The following SRP19 variants were observed in gnomAD, a reference collection of about 807,000 sequenced individuals.
SRP19 encodes the protein signal recognition particle 19 kDa protein.
SRP19 carries 11 observed loss-of-function variants against 22.4 expected under a neutral mutation model. The observed-to-expected ratio is 0.49, with a 90% CI of 0.31 to 0.81. The LOEUF (loss-of-function observed/expected upper bound fraction) is 0.81. SRP19 is among the 40% of genes least tolerant of loss of function. SRP19 has a pLI of 0.05. For synonymous variants in SRP19, 61 were observed against 57.6 expected (o/e 1.06, Z -0.27); for missense variants, 168 against 175.9 (o/e 0.96, Z 0.25).
chr5:112,894,823 A>G (rs1768628712), downstream of SRP19: 1 of 152,248 alleles, frequency 6.6e-6, no homozygotes, highest in African/African-American at 2.4e-5. Flanking sequence ...AAGCTTCTGC[A>G]TAGAATGTAT....
exon 5 of SRP19, chr5:112,892,710 G>C: frequency 1.2e-6 from 2 of 1,614,072 alleles, no homozygotes; most frequent in Non-Finnish European, 1.7e-6. Context: ...CTTCAGATCA[G>C]ACTGGCTCCT....
chr5:112,861,371 G>A lies in SRP19; in HGVS notation c.-6G>A, dbSNP rs774717361. 3 of 1,614,094 alleles carry A rather than the reference G, an allele frequency of 1.9e-6. No individual in the cohort carries two copies. Among genetic ancestry groups the A allele is most frequent in the South Asian group, 1.1e-5 (1 of 91,088 alleles). ...CGGCTCCTGGGTTGTTGAGACTCTT[G>A]TGAAGATGGCTTGCGCTGCCGCGCG... is the stretch of plus-strand genomic sequence containing the variant. On this transcript the variant is annotated 5_prime_UTR_variant, in exon 1 of 5. It adds an upstream start codon to the 5' untranslated region. Transcript: ENST00000505459.
downstream of SRP19, among the ~76,000 whole-genome samples, chr5:112,873,767 A>G (rs1337885089): frequency 1.4e-5 from 1 of 71,410 alleles, no homozygotes; most frequent in Non-Finnish European, 2.7e-5. Context: ...ATTGTTTCCA[A>G]GTTCCTTTTT....
intron 4 of SRP19, chr5:112,877,981 CTGTGTGTGTGTGTGTGTGTGTGTGTGTG>C (rs60109818): frequency 1.4e-5 from 2 of 147,528 alleles, no homozygotes; most frequent in African/African-American, 5.1e-5. Context: ...ACAGGTTACT[CTGTGTGTGTGTGTGTGTGTGTGTGTGTG>C]TGTGTGTGTG....
At position 112,862,477 on chromosome 5, in the gene SRP19, G is replaced by A. The variant is rs368648697; in HGVS notation, c.42-31G>A. 2.5e-6 allele frequency: 4 copies of A among 1,601,544 alleles called. No individual in the cohort carries two copies. The African/African-American group carries it at 5.4e-5, about 21-fold the overall frequency. On this transcript the variant is annotated intron_variant, in intron 1 of 4. Coordinates refer to ENST00000505459, the MANE Select transcript of SRP19 (RefSeq NM_003135.3). Reference sequence around the variant, plus strand: ...TTTTCTCCTGCCTCTTACTGCTCTAGTGATACCACTTATGCTATTGTCTAT... The same window carrying A: ...TTTTCTCCTGCCTCTTACTGCTCTAATGATACCACTTATGCTATTGTCTAT...
At chr5:112,893,106 A>T (rs761785097), downstream of SRP19, 1 of 1,068,800 alleles carries the variant, frequency 9.4e-7, no homozygotes, top group Non-Finnish European at 1.3e-6. Flanking sequence ...AAAAAAAAAA[A>T]AAAAAAAAAA....
intron 4 of SRP19, chr5:112,887,019 T>C (rs1768271492): frequency 3.7e-6 from 6 of 1,601,056 alleles, no homozygotes; most frequent in Non-Finnish European, 5.1e-6. Context: ...TCTTACCTTC[T>C]TTAGTGATGG....
At chr5:112,892,636 T>C in exon 5 of SRP19, 8 of 1,614,130 alleles carry the variant, frequency 5.0e-6, no homozygotes, top group Non-Finnish European at 6.8e-6. Flanking sequence ...ACACTGCAAC[T>C]TTCTTCATGT....
In SRP19 at chr5:112,887,205, A is replaced by G. The variant is rs759666937; in HGVS notation, c.302-4398A>G. 1.4e-5 allele frequency: 22 copies of G among 1,554,112 alleles called. No homozygotes were observed. The East Asian group carries it at 4.3e-4, about 30-fold the overall frequency. On this transcript the variant is annotated intron_variant, in intron 4 of 4. Coordinates refer to the SRP19 transcript ENST00000391338. ...CACACTGCACAGAAAAAGAGCCAGC[A>G]TGGGTAACAGGAGGGTGGAGGGGGC...
intron 4 of SRP19, chr5:112,881,943 T>TGG (rs1768089428): frequency 6.6e-6 from 1 of 151,620 alleles, no homozygotes. Context: ...TTTTGTGTTT[T>TGG]TTTTTTTTTG....
At chr5:112,884,211 A>G (rs368884927) in intron 4 of SRP19, among the ~76,000 whole-genome samples, 1 of 152,082 alleles carries the variant, frequency 6.6e-6, no homozygotes, top group East Asian at 1.9e-4. Context: ...AACCTTTACA[A>G]TGGCCTATAA....
At chr5:112,870,552 C>T (rs1767734001), downstream of SRP19, among the ~76,000 whole-genome samples, 1 of 151,938 alleles carries the variant, frequency 6.6e-6, no homozygotes, top group Non-Finnish European at 1.5e-5. Context: ...AAATGGTTTA[C>T]TTTTGGGGCA....
chr5:112,893,014 C>A, exon 5 of SRP19: 1 of 1,554,288 alleles, frequency 6.4e-7, no homozygotes, highest in South Asian at 1.1e-5. Flanking sequence ...CTCTAGGTGC[C>A]GAAGTCGTGG....
At chr5:112,861,684 A>G (rs1298793487) in intron 1 of SRP19, among the ~76,000 whole-genome samples, 1 of 152,250 alleles carries the variant, frequency 6.6e-6, no homozygotes, top group Non-Finnish European at 1.5e-5. Flanking sequence ...CTACGTGGAC[A>G]TGATATCAAG....
At chr5:112,894,672 G>A (rs1297945405), downstream of SRP19, 2 of 152,116 alleles carry the variant, frequency 1.3e-5, no homozygotes, top group African/African-American at 4.8e-5. Flanking sequence ...AGCAGCAAGT[G>A]TTTTTAGCAT....
downstream of SRP19, among the ~76,000 whole-genome samples, chr5:112,872,825 T>A (rs1767786848): frequency 6.6e-6 from 1 of 152,208 alleles, no homozygotes; most frequent in South Asian, 2.1e-4. Context: ...TATATCTTGT[T>A]CTCAGGATCT....
At chr5:112,885,096 T>C (rs1185145694) in intron 4 of SRP19, 1 of 157,896 alleles carries the variant, frequency 6.3e-6, no homozygotes, top group Non-Finnish European at 1.4e-5. Flanking sequence ...CGTCAGGGCC[T>C]CCAAAGTACT....
intron 4 of SRP19, among the ~76,000 whole-genome samples, chr5:112,888,034 A>G (rs925837677): frequency 1.8e-4 from 28 of 152,162 alleles, no homozygotes; most frequent in Admixed American, 4.6e-4. Flanking sequence ...AGTTTAAAAG[A>G]TTCTAACCAC....
chr5:112,892,599 T>A, exon 5 of SRP19: 1 of 1,614,214 alleles, frequency 6.2e-7, no homozygotes, highest in Non-Finnish European at 8.5e-7. Flanking sequence ...GTGGTTTATT[T>A]GAAATACAAC....
Sources: allele counts gnomAD v4.1 joint callset (sites outside exome capture counted in the v4.1 genomes callset), GRCh38; gene constraint gnomAD v4.1.1; transcripts MANE v1.5; gene names NCBI Gene and HGNC (gene_info 2026-07-23, HGNC 2026-07-21).